The following MAN1A2 variants were observed in gnomAD, a reference collection of about 807,000 sequenced individuals.
The protein encoded by MAN1A2 is mannosidase alpha class 1A member 2, also known as mannosyl-oligosaccharide 1,2-alpha-mannosidase IB.
In MAN1A2, 26 loss-of-function variants were observed where a neutral mutation model predicts 75.7. The ratio of observed to expected loss-of-function variants is 0.34; its 90% CI spans 0.25 to 0.48. The LOEUF is 0.48. MAN1A2 is among the 20% of genes least tolerant of loss of function. The pLI is 0.99. For synonymous variants in MAN1A2, 247 were observed against 264.6 expected (o/e 0.93, Z 0.65); for missense variants, 562 against 775.5 (o/e 0.72, Z 3.27).
chr1:117,522,236 A>C (rs1047295311), intron 12 of MAN1A2, among the ~76,000 whole-genome samples: 12 of 151,892 alleles, frequency 7.9e-5, no homozygotes, highest in African/African-American at 2.9e-4. Context: ...CTGAACATAG[A>C]TAGAACTAAA....
At chr1:117,370,227 T>C (rs756535717) in intron 1 of MAN1A2, among the ~76,000 whole-genome samples, 5 of 152,200 alleles carry the variant, frequency 3.3e-5, no homozygotes, top group Non-Finnish European at 7.4e-5. Context: ...TTCCTGAGTT[T>C]GGAATGAGAG....
intron 5 of MAN1A2, among the ~76,000 whole-genome samples, chr1:117,425,547 G>C (rs545382494): frequency 6.6e-6 from 1 of 152,122 alleles, no homozygotes; most frequent in African/African-American, 2.4e-5. Context: ...CTGGTTTGAT[G>C]TTCAAAAATC....
intron 8 of MAN1A2, among the ~76,000 whole-genome samples, chr1:117,480,404 G>T (rs1024024267): frequency 2.6e-5 from 4 of 151,670 alleles, no homozygotes; most frequent in African/African-American, 9.7e-5. Flanking sequence ...CCATCATTTA[G>T]CGATTACTAT....
At chr1:117,383,838 C>G (rs1653434603) in intron 1 of MAN1A2, among the ~76,000 whole-genome samples, 1 of 151,972 alleles carries the variant, frequency 6.6e-6, no homozygotes, top group Non-Finnish European at 1.5e-5. Flanking sequence ...GCACTGCAAC[C>G]TTGTACTCCT....
chr1:117,400,119 T>G (rs997657498), intron 1 of MAN1A2, among the ~76,000 whole-genome samples: 2 of 152,122 alleles, frequency 1.3e-5, no homozygotes, highest in Non-Finnish European at 1.5e-5. Flanking sequence ...TCAGCCCTCA[T>G]GTCAGTTTCT....
chr1:117,454,976 G>T (rs1016960527), intron 6 of MAN1A2, among the ~76,000 whole-genome samples: 6 of 152,090 alleles, frequency 3.9e-5, no homozygotes, highest in African/African-American at 1.4e-4. Context: ...GAATCCAAAT[G>T]AAGGCAGGAA....
At chr1:117,375,652 G>A (rs1177067240) in intron 1 of MAN1A2, among the ~76,000 whole-genome samples, 3 of 152,108 alleles carry the variant, frequency 2.0e-5, no homozygotes, top group Non-Finnish European at 4.4e-5. Context: ...CTAAATATTG[G>A]AGATTATTAA....
At chr1:117,500,876 T>C (rs531728732) in intron 11 of MAN1A2, among the ~76,000 whole-genome samples, 2 of 151,938 alleles carry the variant, frequency 1.3e-5, no homozygotes, top group African/African-American at 4.8e-5. Context: ...TTACTAATGC[T>C]TCCGTAAATT....
At chr1:117,384,523 G>A (rs1417037658) in intron 1 of MAN1A2, among the ~76,000 whole-genome samples, 1 of 152,030 alleles carries the variant, frequency 6.6e-6, no homozygotes, top group African/African-American at 2.4e-5. Flanking sequence ...TCAAAATGTG[G>A]TCTGTCCTGG....
chr1:117,460,594 C>T lies in MAN1A2; in HGVS notation c.1056C>T (p.Asp352=). 1 of 1,605,818 alleles carries T rather than the reference C, an allele frequency of 6.2e-7. No individual in the cohort carries two copies. Among genetic ancestry groups the T allele is most frequent in the Non-Finnish European group, 8.5e-7 (1 of 1,177,118 alleles). ...EFIHLSYLTG[D]LTYYKKVMHI... is the part of the protein sequence containing the mutation. ...TCCACCTCAGCTACTTGACAGGGGACCTGACTTACTACAAAAAGGTTTGTT... is the reference window on the plus strand; with the variant it reads ...TCCACCTCAGCTACTTGACAGGGGATCTGACTTACTACAAAAAGGTTTGTT... Residue 352 remains aspartate (D), a synonymous_variant, in exon 7 of 13, where the codon GAC becomes GAT. Transcript: ENST00000356554.
intron 5 of MAN1A2, among the ~76,000 whole-genome samples, chr1:117,435,976 T>G (rs1648835000): frequency 6.6e-6 from 1 of 152,130 alleles, no homozygotes; most frequent in African/African-American, 2.4e-5. Context: ...GAGAATCACT[T>G]GAACCTGGGA....
chr1:117,440,109 G>A (rs1648981733), intron 5 of MAN1A2, among the ~76,000 whole-genome samples: 1 of 152,202 alleles, frequency 6.6e-6, no homozygotes, highest in Non-Finnish European at 1.5e-5. Context: ...GTCCTTTGTA[G>A]GCTGCTTTGG....
chr1:117,508,778 A>G (rs919175616), intron 12 of MAN1A2, among the ~76,000 whole-genome samples: 2 of 129,532 alleles, frequency 1.5e-5, no homozygotes, highest in Non-Finnish European at 3.6e-5. Context: ...GTGCATACGT[A>G]ACACATAGAT....
At position 117,523,382 on chromosome 1, in the gene MAN1A2, A is replaced by G. The variant is rs1651923489; in HGVS notation, c.*425A>G. On this transcript the variant is annotated 3_prime_UTR_variant, in exon 13 of 13. Coordinates refer to ENST00000356554, the MANE Select transcript of MAN1A2 (RefSeq NM_006699.5). Reference sequence around the variant, plus strand: ...TACAGTGGAGCAGCATTCAAATCAAATATTTACATATTGCTTATCACTTTT... The same window carrying G: ...TACAGTGGAGCAGCATTCAAATCAAGTATTTACATATTGCTTATCACTTTT... 5.1e-6 allele frequency: 2 copies of G among 390,090 alleles called. No individual in the cohort carries two copies. Among genetic ancestry groups the G allele is most frequent in the African/African-American group, 2.1e-5 (1 of 47,140 alleles). The allele number at this position is 390,090 out of a possible 1,614,324, so 24.2% of individuals were successfully genotyped here. A position where few individuals can be genotyped will look rare whatever the true frequency, so the allele number is the denominator to read the frequency against.
intron 6 of MAN1A2, among the ~76,000 whole-genome samples, chr1:117,445,362 T>G (rs1439268583): frequency 6.6e-6 from 1 of 152,198 alleles, no homozygotes; most frequent in Non-Finnish European, 1.5e-5. Context: ...TTAAATGAGA[T>G]ATTATTAAAT....
intron 1 of MAN1A2, among the ~76,000 whole-genome samples, chr1:117,375,775 T>TAG (rs757611657): frequency 2.6e-5 from 4 of 152,220 alleles, no homozygotes; most frequent in Admixed American, 6.5e-5. Flanking sequence ...CCAGGGGTCT[T>TAG]AGAGATAACT....
chr1:117,499,766 T>C (rs944092778), intron 11 of MAN1A2, among the ~76,000 whole-genome samples: 1 of 148,176 alleles, frequency 6.7e-6, no homozygotes, highest in East Asian at 2.0e-4. Context: ...ATATTAAAAA[T>C]ATATAAATAT....
At chr1:117,410,256 A>T (rs1436756804) in intron 3 of MAN1A2, among the ~76,000 whole-genome samples, 1 of 151,998 alleles carries the variant, frequency 6.6e-6, no homozygotes, top group Non-Finnish European at 1.5e-5. Flanking sequence ...TTTATCATAG[A>T]GATACGTGGT....
At chr1:117,383,747 A>AAC (rs1485824285) in intron 1 of MAN1A2, among the ~76,000 whole-genome samples, 1 of 151,760 alleles carries the variant, frequency 6.6e-6, no homozygotes, top group African/African-American at 2.4e-5. Context: ...TATTCTTTAA[A>AAC]AATTTTTTTT....
Sources: allele counts gnomAD v4.1 joint callset (sites outside exome capture counted in the v4.1 genomes callset), GRCh38; gene constraint gnomAD v4.1.1; transcripts MANE v1.5; gene names NCBI Gene and HGNC (gene_info 2026-07-23, HGNC 2026-07-21).